CLASP1: variants seen among roughly 807,000 people sequenced by gnomAD.
CLASP1 encodes the protein CLIP-associating protein 1.
A neutral mutation model predicts 192.3 loss-of-function variants in CLASP1; 38 were observed. The observed-to-expected ratio is 0.20, with a 90% CI of 0.15 to 0.26. The LOEUF is 0.26. CLASP1 is among the 10% of genes least tolerant of loss of function. The pLI is 1.00. For synonymous variants in CLASP1, 691 were observed against 712.8 expected (o/e 0.97, Z 0.49); for missense variants, 1,433 against 1,932.5 (o/e 0.74, Z 4.85).
intron 2 of CLASP1, among the ~76,000 whole-genome samples, chr2:121,546,176 A>C (rs2057400915): frequency 6.6e-6 from 1 of 152,172 alleles, no homozygotes; most frequent in South Asian, 2.1e-4. Flanking sequence ...ATACCCAGAA[A>C]AAGTAAAAAC....
intron 37 of CLASP1, among the ~76,000 whole-genome samples, chr2:121,355,214 T>C (rs1211021488): frequency 6.6e-6 from 1 of 152,142 alleles, no homozygotes; most frequent in Non-Finnish European, 1.5e-5. Context: ...AGTGGCGCCA[T>C]CTTGGTGGGT....
At chr2:121,455,919 C>T (rs944028742) in intron 14 of CLASP1, among the ~76,000 whole-genome samples, 3 of 152,000 alleles carry the variant, frequency 2.0e-5, no homozygotes, top group African/African-American at 4.8e-5. Context: ...TTCTCAGAAG[C>T]TGGGGGTTGG....
intron 5 of CLASP1, among the ~76,000 whole-genome samples, chr2:121,526,451 T>C (rs1397556709): frequency 6.6e-6 from 1 of 152,172 alleles, no homozygotes; most frequent in African/African-American, 2.4e-5. Context: ...ACCATCACCA[T>C]CCCTGTCATG....
intron 39 of CLASP1, among the ~76,000 whole-genome samples, chr2:121,342,377 C>T (rs112608301): frequency 0.038 from 5,855 of 152,244 alleles, 158 homozygotes; most frequent in East Asian, 0.14. Flanking sequence ...CTCGGCCTCC[C>T]AAAGTGCTGG....
chr2:121,575,143 CCT>C (rs1269192041), intron 2 of CLASP1, among the ~76,000 whole-genome samples: 1 of 151,902 alleles, frequency 6.6e-6, no homozygotes, highest in Non-Finnish European at 1.5e-5. Context: ...GACAAGTCTC[CCT>C]CTGTCTCCCA....
At chr2:121,630,355 T>C (rs2069273422) in intron 1 of CLASP1, among the ~76,000 whole-genome samples, 1 of 148,356 alleles carries the variant, frequency 6.7e-6, no homozygotes, top group African/African-American at 2.5e-5. Context: ...CTACAGAAAG[T>C]TTGGTAGATC....
chr2:121,648,569 A>G (rs1295016652), intron 1 of CLASP1, among the ~76,000 whole-genome samples: 2 of 152,200 alleles, frequency 1.3e-5, no homozygotes, highest in Non-Finnish European at 2.9e-5. Flanking sequence ...TAAACTCTGG[A>G]AAGCCCCATA....
chr2:121,402,830 C>T (rs868246545), intron 26 of CLASP1, among the ~76,000 whole-genome samples: 7 of 152,128 alleles, frequency 4.6e-5, no homozygotes, highest in South Asian at 2.1e-4. Flanking sequence ...TCTATGTGGC[C>T]TTTAAGCTCA....
At chr2:121,372,471 G>C (rs1164250120) in intron 34 of CLASP1, among the ~76,000 whole-genome samples, 1 of 152,184 alleles carries the variant, frequency 6.6e-6, no homozygotes, top group African/African-American at 2.4e-5. Flanking sequence ...GGCTGAAACA[G>C]ACTGGTATAT....
intron 34 of CLASP1, among the ~76,000 whole-genome samples, chr2:121,370,428 C>T (rs756687248): frequency 9.9e-5 from 15 of 152,112 alleles, no homozygotes; most frequent in Non-Finnish European, 1.2e-4. Context: ...TAGGTTCAAG[C>T]GATTCTCCTG....
At chr2:121,648,631 T>C (rs977331365) in intron 1 of CLASP1, among the ~76,000 whole-genome samples, 1 of 152,240 alleles carries the variant, frequency 6.6e-6, no homozygotes, top group Admixed American at 6.5e-5. Flanking sequence ...AGCTCCATTG[T>C]ACCTAGCCAG....
At chr2:121,513,330 C>T (rs928619247) in intron 7 of CLASP1, among the ~76,000 whole-genome samples, 1 of 152,184 alleles carries the variant, frequency 6.6e-6, no homozygotes, top group Non-Finnish European at 1.5e-5. Context: ...ATACCCTCTC[C>T]GTTTTGGAGA....
At chr2:121,598,164 C>T (rs571193357) in intron 2 of CLASP1, among the ~76,000 whole-genome samples, 2 of 152,318 alleles carry the variant, frequency 1.3e-5, no homozygotes, top group Admixed American at 6.5e-5. Context: ...TTCACAAATC[C>T]TTCCATGTTG....
intron 2 of CLASP1, among the ~76,000 whole-genome samples, chr2:121,535,658 T>C (rs1185035878): frequency 6.6e-6 from 1 of 152,154 alleles, no homozygotes; most frequent in Non-Finnish European, 1.5e-5. Context: ...AGAATTTTTT[T>C]TTTTTTTGGA....
chr2:121,612,150 G>A (rs2065694285), intron 1 of CLASP1, among the ~76,000 whole-genome samples: 1 of 151,346 alleles, frequency 6.6e-6, no homozygotes, highest in Admixed American at 6.6e-5. Flanking sequence ...AACTGGAGGA[G>A]GAGGAGTTGG....
At chr2:121,445,283 T>C (rs1350062860) in intron 19 of CLASP1, among the ~76,000 whole-genome samples, 2 of 152,164 alleles carry the variant, frequency 1.3e-5, no homozygotes, top group African/African-American at 4.8e-5. Context: ...AGTTCCTTTT[T>C]CTTGGAAGAA....
At chr2:121,522,814 G>A (rs1021775433) in intron 6 of CLASP1, among the ~76,000 whole-genome samples, 1 of 152,136 alleles carries the variant, frequency 6.6e-6, no homozygotes, top group African/African-American at 2.4e-5. Context: ...AGACACTAAG[G>A]CTATCCTGCA....
At chr2:121,587,521 T>C (rs2061857039) in intron 2 of CLASP1, among the ~76,000 whole-genome samples, 1 of 152,044 alleles carries the variant, frequency 6.6e-6, no homozygotes, top group African/African-American at 2.4e-5. Flanking sequence ...GAAGAATATG[T>C]GATGAATAAA....
chr2:121,412,708 A>G (rs1473622354), intron 23 of CLASP1, among the ~76,000 whole-genome samples: 1 of 152,240 alleles, frequency 6.6e-6, no homozygotes, highest in Admixed American at 6.5e-5. Context: ...TGCTTCCAAG[A>G]TGCATACAGC....
Sources: allele counts gnomAD v4.1 joint callset (sites outside exome capture counted in the v4.1 genomes callset), GRCh38; gene constraint gnomAD v4.1.1; transcripts MANE v1.5; gene names NCBI Gene and HGNC (gene_info 2026-07-23, HGNC 2026-07-21).